OPCML: variants seen among roughly 807,000 people sequenced by gnomAD.
The protein encoded by OPCML is opioid-binding protein/cell adhesion molecule.
OPCML carries 13 observed loss-of-function variants against 37.8 expected under a neutral mutation model. The ratio of observed to expected loss-of-function variants is 0.34; its 90% CI spans 0.22 to 0.55. OPCML has a LOEUF of 0.55. OPCML is among the 20% of genes least tolerant of loss of function. OPCML has a pLI of 0.91. For synonymous variants in OPCML, 176 were observed against 168.8 expected (o/e 1.04, Z -0.33); for missense variants, 341 against 435.6 (o/e 0.78, Z 1.93).
intron 3 of OPCML, among the ~76,000 whole-genome samples, chr11:132,559,449 G>T (rs577327975): frequency 6.6e-5 from 10 of 152,282 alleles, no homozygotes; most frequent in Admixed American, 6.5e-4. Flanking sequence ...CAGCTAAGCT[G>T]TTGCTATGGA....
intron 2 of OPCML, among the ~76,000 whole-genome samples, chr11:132,666,844 A>G (rs909659670): frequency 2.0e-5 from 3 of 152,184 alleles, no homozygotes; most frequent in Non-Finnish European, 4.4e-5. Flanking sequence ...TCTCCATGGT[A>G]AAATGTCTGC....
chr11:133,120,746 A>G (rs1949407466), intron 1 of OPCML, among the ~76,000 whole-genome samples: 1 of 152,174 alleles, frequency 6.6e-6, no homozygotes, highest in Admixed American at 6.5e-5. Context: ...ATGTGTCAAG[A>G]GTTCATGCTT....
chr11:133,036,986 TC>T (rs1947794874), intron 1 of OPCML, among the ~76,000 whole-genome samples: 1 of 152,088 alleles, frequency 6.6e-6, no homozygotes, highest in African/African-American at 2.4e-5. Flanking sequence ...TGGTCCTCCC[TC>T]CCCACAGTGT....
At chr11:132,802,290 C>A (rs1226640383) in intron 2 of OPCML, among the ~76,000 whole-genome samples, 1 of 152,180 alleles carries the variant, frequency 6.6e-6, no homozygotes, top group Non-Finnish European at 1.5e-5. Flanking sequence ...CCAGATCATG[C>A]CAACCCTTCC....
chr11:133,469,070 A>G (rs1383608259), intron 1 of OPCML, among the ~76,000 whole-genome samples: 1 of 152,140 alleles, frequency 6.6e-6, no homozygotes, highest in African/African-American at 2.4e-5. Flanking sequence ...TTCTCTCCCA[A>G]TAGAGAATCA....
intron 1 of OPCML, among the ~76,000 whole-genome samples, chr11:133,151,423 GGGAGGAAGGAA>G (rs1365376320): frequency 6.6e-6 from 1 of 151,962 alleles, no homozygotes; most frequent in African/African-American, 2.4e-5. Context: ...AGGAAGATGG[GGGAGGAAGGAA>G]GGAGGAAAAA....
chr11:133,240,923 T>A (rs1940707668), intron 1 of OPCML, among the ~76,000 whole-genome samples: 1 of 152,230 alleles, frequency 6.6e-6, no homozygotes, highest in Non-Finnish European at 1.5e-5. Context: ...ATCCAGTCGG[T>A]CACTACCCTC....
intron 2 of OPCML, among the ~76,000 whole-genome samples, chr11:132,694,325 A>G (rs1943524297): frequency 6.6e-6 from 1 of 151,148 alleles, no homozygotes; most frequent in Non-Finnish European, 1.5e-5. Context: ...CAGCCTCCCA[A>G]ATAGCTGGGA....
intron 4 of OPCML, among the ~76,000 whole-genome samples, chr11:132,501,895 T>C (rs2096246448): frequency 6.6e-6 from 1 of 152,216 alleles, no homozygotes; most frequent in South Asian, 2.1e-4. Context: ...CTTGAAGTTA[T>C]ACAAATGCTT....
At chr11:132,755,698 G>A (rs749147374) in intron 2 of OPCML, among the ~76,000 whole-genome samples, 43 of 152,144 alleles carry the variant, frequency 2.8e-4, no homozygotes, top group Non-Finnish European at 5.6e-4. Context: ...GTATGGAACG[G>A]TTACTTGCTT....
chr11:132,955,030 T>C (rs1591844343), intron 1 of OPCML, among the ~76,000 whole-genome samples: 2 of 151,942 alleles, frequency 1.3e-5, no homozygotes, highest in Admixed American at 1.3e-4. Flanking sequence ...TTGCAGAAGG[T>C]GTTTTGCTGC....
At chr11:133,348,239 C>A (rs1442329995) in intron 1 of OPCML, among the ~76,000 whole-genome samples, 1 of 152,122 alleles carries the variant, frequency 6.6e-6, no homozygotes, top group South Asian at 2.1e-4. Flanking sequence ...CAAACGAGAG[C>A]CATTGATTCA....
At chr11:133,093,750 C>T (rs1948951486) in intron 1 of OPCML, among the ~76,000 whole-genome samples, 1 of 150,930 alleles carries the variant, frequency 6.6e-6, no homozygotes, top group Non-Finnish European at 1.5e-5. Context: ...GTAGGTTCTT[C>T]ATGCTAAGGT....
At chr11:133,481,247 G>A (rs11223482) in intron 1 of OPCML, among the ~76,000 whole-genome samples, 2,133 of 152,132 alleles carry the variant, frequency 0.014, 21 homozygotes, top group South Asian at 0.023. Flanking sequence ...TCCCAAAAGA[G>A]TTTACAATCA....
intron 1 of OPCML, among the ~76,000 whole-genome samples, chr11:133,150,245 G>A (rs1378564467): frequency 6.6e-6 from 1 of 152,110 alleles, no homozygotes; most frequent in South Asian, 2.1e-4. Context: ...AATGTGTATC[G>A]AGCCCTTACT....
chr11:133,190,211 C>T (rs1938245920), intron 1 of OPCML, among the ~76,000 whole-genome samples: 1 of 152,152 alleles, frequency 6.6e-6, no homozygotes, highest in East Asian at 1.9e-4. Flanking sequence ...CTAAAATTTC[C>T]CCATGGAGAC....
chr11:132,612,618 A>C (rs1439115049), intron 3 of OPCML, among the ~76,000 whole-genome samples: 3 of 152,180 alleles, frequency 2.0e-5, no homozygotes, highest in Admixed American at 2.0e-4. Flanking sequence ...GCAAGAAAAA[A>C]ATGGGTCAAA....
chr11:132,770,572 T>G (rs960278136), intron 2 of OPCML, among the ~76,000 whole-genome samples: 12 of 152,268 alleles, frequency 7.9e-5, no homozygotes, highest in African/African-American at 2.9e-4. Context: ...CCACCTGATT[T>G]TCCTACCAGG....
At chr11:133,012,342 C>G (rs528429749) in intron 1 of OPCML, among the ~76,000 whole-genome samples, 1 of 152,150 alleles carries the variant, frequency 6.6e-6, no homozygotes, top group Non-Finnish European at 1.5e-5. Context: ...AATTCAACCT[C>G]CTGTTGGCTT....
Sources: allele counts gnomAD v4.1 joint callset (sites outside exome capture counted in the v4.1 genomes callset), GRCh38; gene constraint gnomAD v4.1.1; transcripts MANE v1.5; gene names NCBI Gene and HGNC (gene_info 2026-07-23, HGNC 2026-07-21).